KIRREL3: variants seen among roughly 807,000 people sequenced by gnomAD.
KIRREL3 encodes kin of IRRE-like protein 3.
In KIRREL3, 36 loss-of-function variants were observed where a neutral mutation model predicts 89.7. The ratio of observed to expected loss-of-function variants is 0.40; its 90% CI spans 0.31 to 0.53. KIRREL3 has a LOEUF of 0.53. KIRREL3 is among the 20% of genes least tolerant of loss of function. KIRREL3 has a pLI of 0.49. For missense variants in KIRREL3, 864 were observed against 1,056.6 expected (o/e 0.82, Z 2.53); for synonymous variants, 445 against 441.4 (o/e 1.01, Z -0.10).
At chr11:126,646,695 G>A (rs572577321) in intron 1 of KIRREL3, among the ~76,000 whole-genome samples, 6 of 152,036 alleles carry the variant, frequency 3.9e-5, no homozygotes, top group Non-Finnish European at 5.9e-5. Context: ...GACTGGTCTC[G>A]AACTCCTGAC....
intron 1 of KIRREL3, among the ~76,000 whole-genome samples, chr11:126,863,837 C>T (rs941183945): frequency 1.3e-5 from 2 of 152,182 alleles, no homozygotes; most frequent in African/African-American, 4.8e-5. Context: ...TATTCCTCTG[C>T]CCTGCCTCCC....
At chr11:126,599,944 T>C (rs1942578317) in intron 1 of KIRREL3, among the ~76,000 whole-genome samples, 1 of 152,230 alleles carries the variant, frequency 6.6e-6, no homozygotes, top group Non-Finnish European at 1.5e-5. Context: ...GTGTGCTCCC[T>C]TCCCTTGAGT....
rs1945848198 is a variant in KIRREL3 at position 126,669,679 on chromosome 11, G to A, written c.56-106767C>T. ...TGGAGGACTCCTGCACTTCCTCGTG[G>A]GCTTTTCTCTCTTCTCCATTTACAT... On this transcript the variant is annotated intron_variant, in intron 1 of 16. Coordinates refer to ENST00000525144, the MANE Select transcript of KIRREL3 (RefSeq NM_032531.4). This position sits in a 1 kb window ranked among gnomAD's most constrained non-coding sequence, Gnocchi z 5.0. Among the ~76,000 whole-genome samples, 1 of 151,986 alleles carries A rather than the reference G, an allele frequency of 6.6e-6. No individual in the cohort carries two copies. Among genetic ancestry groups the A allele is most frequent in the Admixed American group, 6.5e-5 (1 of 15,272 alleles).
In KIRREL3 at chr11:126,430,912, A is replaced by C. The variant is rs2134148045; in HGVS notation, c.1696+507T>G. 1.1e-6 allele frequency: 1 copy of C among 949,904 alleles called. No homozygotes were observed. Among genetic ancestry groups the C allele is most frequent in the East Asian group, 1.0e-4 (1 of 9,680 alleles). The allele number at this position is 949,904 out of a possible 1,614,324, so 58.8% of individuals were successfully genotyped here. Reference sequence around the variant, plus strand: ...TCTTCAAGCGTGCACAAACACTAGAATTTTATTGGTAATCACTGAAGACCT... The same window carrying C: ...TCTTCAAGCGTGCACAAACACTAGACTTTTATTGGTAATCACTGAAGACCT... On this transcript the variant is annotated intron_variant, in intron 14 of 16. Coordinates refer to ENST00000525144, the MANE Select transcript of KIRREL3 (RefSeq NM_032531.4). This position sits in a 1 kb window ranked among gnomAD's most constrained non-coding sequence, Gnocchi z 6.6.
chr11:126,881,811 G>C (rs913174951), intron 1 of KIRREL3, among the ~76,000 whole-genome samples: 4 of 152,156 alleles, frequency 2.6e-5, no homozygotes, highest in Admixed American at 2.6e-4. Context: ...GCCTCCCTAA[G>C]TGCTGGGATT....
At chr11:126,593,163 C>G (rs1446345089) in intron 1 of KIRREL3, among the ~76,000 whole-genome samples, 2 of 152,178 alleles carry the variant, frequency 1.3e-5, no homozygotes, top group African/African-American at 2.4e-5. Context: ...GTCTGCAGGT[C>G]ACCCCTGTGT....
At chr11:126,630,185 A>G (rs1361740922) in intron 1 of KIRREL3, among the ~76,000 whole-genome samples, 1 of 152,180 alleles carries the variant, frequency 6.6e-6, no homozygotes, top group African/African-American at 2.4e-5. Flanking sequence ...TTTCCCAGGA[A>G]CTGATGATAG....
At position 126,568,347 on chromosome 11, in the gene KIRREL3, C is replaced by T. The variant is rs1452301808; in HGVS notation, c.56-5435G>A. On this transcript the variant is annotated intron_variant, in intron 1 of 16. Coordinates refer to ENST00000525144, the MANE Select transcript of KIRREL3 (RefSeq NM_032531.4). The surrounding 1 kb of genome is among the most constrained non-coding windows in gnomAD (Gnocchi z 4.6). ...CTGGCTGGGAGACCGCTGCCATACT[C>T]CAGGTGGGAGATGGTGGGCTTGCAT... is the stretch of plus-strand genomic sequence containing the variant. Among the ~76,000 whole-genome samples, 1 of 152,182 alleles carries T rather than the reference C, an allele frequency of 6.6e-6. No homozygotes were observed. The highest frequency in any genetic ancestry group is 1.5e-5 in the Non-Finnish European group (1 of 68,028).
At position 126,553,382 on chromosome 11, in the gene KIRREL3, A is replaced by G. The variant is rs1939438273; in HGVS notation, c.133+9453T>C. On this transcript the variant is annotated intron_variant, in intron 2 of 16. Transcript: ENST00000525144. The surrounding 1 kb of genome is among the most constrained non-coding windows in gnomAD (Gnocchi z 4.7). ...TTTGTAGACCCGCAGCACCAGTCTC[A>G]CTTGCTAGCTGTGTTTAGAGCCTTC... 1.3e-5 allele frequency among the ~76,000 whole-genome samples: 2 copies of G among 152,174 alleles called. No homozygotes were observed. Among genetic ancestry groups the G allele is most frequent in the Non-Finnish European group, 2.9e-5 (2 of 68,028 alleles).
At chr11:126,880,612 T>C (rs922877870) in intron 1 of KIRREL3, among the ~76,000 whole-genome samples, 5 of 150,986 alleles carry the variant, frequency 3.3e-5, no homozygotes, top group Non-Finnish European at 7.4e-5. Context: ...CAATATCCTA[T>C]TTTTCCTTGT....
At position 126,995,016 on chromosome 11, in the gene KIRREL3, T is replaced by C. The variant is rs141681465; in HGVS notation, c.55+5439A>G. On this transcript the variant is annotated intron_variant, in intron 1 of 16. Coordinates refer to ENST00000525144, the MANE Select transcript of KIRREL3 (RefSeq NM_032531.4). This position sits in a 1 kb window ranked among gnomAD's most constrained non-coding sequence, Gnocchi z 6.5. ...CGTATGGAACAGTACTGTGTCTCGG[T>C]GCAGTCGATTCTCACATCATTCCTC... 4.0e-4 allele frequency: 145 copies of C among 365,212 alleles called. No individual in the cohort carries two copies. Among genetic ancestry groups the C allele is most frequent in the African/African-American group, 3.0e-3 (139 of 47,012 alleles). 22.6% of individuals were successfully genotyped at this position (365,212 alleles called of 1,614,324 possible). A position where few individuals can be genotyped will look rare whatever the true frequency, so the allele number is the denominator to read the frequency against.
intron 2 of KIRREL3, among the ~76,000 whole-genome samples, chr11:126,549,115 G>A (rs1202309835): frequency 2.0e-5 from 3 of 152,140 alleles, no homozygotes; most frequent in African/African-American, 7.2e-5. Flanking sequence ...CGGAGATGGG[G>A]ACTATTCCAT....
Position 126,590,137 on chromosome 11 carries a change from C to A in KIRREL3, c.56-27225G>T, listed in dbSNP as rs185040585. Among the ~76,000 whole-genome samples, 32 of 152,340 alleles carry A rather than the reference C, an allele frequency of 2.1e-4. 1 individual carries two copies. In the East Asian group the frequency reaches 5.4e-3, roughly 26 times the overall value. On this transcript the variant is annotated intron_variant, in intron 1 of 16. Coordinates refer to ENST00000525144, the MANE Select transcript of KIRREL3 (RefSeq NM_032531.4). ...GCTGCATACCTAACCATTATACAGGCCTGCCTCTTCCTCATTTGACATGGT... is the reference window on the plus strand; with the variant it reads ...GCTGCATACCTAACCATTATACAGGACTGCCTCTTCCTCATTTGACATGGT...
In KIRREL3 at chr11:126,441,515, G is replaced by T. The variant is rs1390289905; in HGVS notation, c.1253-966C>A. Among the ~76,000 whole-genome samples, 3 of 152,230 alleles carry T rather than the reference G, an allele frequency of 2.0e-5. No individual in the cohort carries two copies. Among genetic ancestry groups the T allele is most frequent in the Non-Finnish European group, 4.4e-5 (3 of 68,052 alleles). ...GGCTGGGCTGGGTGGTTGAAGGATGGGAGTAGGGACGGAAACTGTCATGCT... is the reference window on the plus strand; with the variant it reads ...GGCTGGGCTGGGTGGTTGAAGGATGTGAGTAGGGACGGAAACTGTCATGCT... On this transcript the variant is annotated intron_variant, in intron 10 of 16. Transcript: ENST00000525144. This position sits in a 1 kb window ranked among gnomAD's most constrained non-coding sequence, Gnocchi z 5.0.
chr11:126,867,610 C>T lies in KIRREL3; in HGVS notation c.55+132845G>A, dbSNP rs373469635. Among the ~76,000 whole-genome samples the T allele has an allele frequency of 2.6e-5, 4 of 152,132 alleles. No homozygotes were observed. The highest frequency in any genetic ancestry group is 6.5e-5 in the Admixed American group (1 of 15,274). On this transcript the variant is annotated intron_variant, in intron 1 of 16. Transcript: ENST00000525144. The surrounding 1 kb of genome is among the most constrained non-coding windows in gnomAD (Gnocchi z 4.7). ...AGTTAATAACATTAATACATTTCAC[C>T]GAATGATTACCGAGTGCCATGCCCC...
At chr11:126,775,610 T>C (rs1314710085) in intron 1 of KIRREL3, among the ~76,000 whole-genome samples, 1 of 152,210 alleles carries the variant, frequency 6.6e-6, no homozygotes, top group African/African-American at 2.4e-5. Context: ...GCTGGGTCTT[T>C]AGGGCCTATT....
chr11:126,513,093 C>G lies in KIRREL3; in HGVS notation c.433+8222G>C, dbSNP rs1008829271. 6.6e-6 allele frequency among the ~76,000 whole-genome samples: 1 copy of G among 152,050 alleles called. No homozygotes were observed. The highest frequency in any genetic ancestry group is 1.5e-5 in the Non-Finnish European group (1 of 68,008). ...GGTGGTGACACACTCCAGAACTTCC[C>G]AGGGCTGCCCTGAAGAGCCTGTCTC... On this transcript the variant is annotated intron_variant, in intron 4 of 16. Transcript: ENST00000525144. This position sits in a 1 kb window ranked among gnomAD's most constrained non-coding sequence, Gnocchi z 5.9.
In KIRREL3 at chr11:127,000,567, C is replaced by A; in HGVS notation, c.-58G>T. On this transcript the variant is annotated 5_prime_UTR_variant, in exon 1 of 17. Transcript: ENST00000525144. The surrounding 1 kb of genome is among the most constrained non-coding windows in gnomAD (Gnocchi z 7.1). ...AACTTGGCTGTGGTTAGTTTCTCTT[C>A]CTTGGCGGCTCTCGGTGCTCAGCCT... 6.4e-7 allele frequency: 1 copy of A among 1,551,420 alleles called. No individual in the cohort carries two copies.
chr11:126,999,318 G>A lies in KIRREL3; in HGVS notation c.55+1137C>T, dbSNP rs973870620. Among the ~76,000 whole-genome samples the A allele has an allele frequency of 6.6e-6, 1 of 152,248 alleles. No individual in the cohort carries two copies. Among genetic ancestry groups the A allele is most frequent in the African/African-American group, 2.4e-5 (1 of 41,470 alleles). Reference sequence around the variant, plus strand: ...GCAGTGACCACAAGCACGGGTGGAAGAGCAGAAGAAGGAAGCCAGGTTTTT... The same window carrying A: ...GCAGTGACCACAAGCACGGGTGGAAAAGCAGAAGAAGGAAGCCAGGTTTTT... On this transcript the variant is annotated intron_variant, in intron 1 of 16. Coordinates refer to ENST00000525144, the MANE Select transcript of KIRREL3 (RefSeq NM_032531.4). This position sits in a 1 kb window ranked among gnomAD's most constrained non-coding sequence, Gnocchi z 5.7.
Sources: gnomAD v4.1 joint callset for allele counts (sites outside exome capture counted in the v4.1 genomes callset) on GRCh38, gnomAD v4.1.1 for gene constraint, Gnocchi (gnomAD v3.1) non-coding constraint, MANE v1.5 for transcripts, NCBI Gene and HGNC (gene_info 2026-07-23, HGNC 2026-07-21) for gene names.